The following HCN1 variants were observed in gnomAD, a reference collection of about 807,000 sequenced individuals.
HCN1 encodes potassium/sodium hyperpolarization-activated cyclic nucleotide-gated channel 1.
HCN1 carries 13 observed loss-of-function variants against 78.9 expected under a neutral mutation model. The observed-to-expected ratio is 0.16, with a 90% CI of 0.11 to 0.26. HCN1 has a LOEUF of 0.26. Ranked by LOEUF, HCN1 falls within the 10% of genes least tolerant of loss-of-function variation. The probability of loss-of-function intolerance (pLI) is 1.00; values close to 1 mark genes in which losing one functional copy is unlikely to be tolerated. For synonymous variants in HCN1, 552 were observed against 455.5 expected (o/e 1.21, Z -2.70); for missense variants, 810 against 1,154.3 (o/e 0.70, Z 4.32).
intron 4 of HCN1, among the ~76,000 whole-genome samples, chr5:45,373,461 T>A (rs1747481520): frequency 7.2e-6 from 1 of 138,560 alleles, no homozygotes; most frequent in African/African-American, 2.6e-5. Context: ...TTATATTATA[T>A]ACATTATATA....
At chr5:45,607,476 C>A (rs1241265552) in intron 2 of HCN1, among the ~76,000 whole-genome samples, 1 of 151,226 alleles carries the variant, frequency 6.6e-6, no homozygotes, top group Non-Finnish European at 1.5e-5. Flanking sequence ...ATGTAAAATA[C>A]AAGTTTGTCT....
intron 2 of HCN1, among the ~76,000 whole-genome samples, chr5:45,597,349 C>A (rs988163760): frequency 7.9e-5 from 12 of 152,270 alleles, no homozygotes; most frequent in African/African-American, 2.9e-4. Context: ...GCAGAAAAGG[C>A]CTTTGACAAA....
intron 2 of HCN1, among the ~76,000 whole-genome samples, chr5:45,584,788 A>G (rs1744171644): frequency 6.6e-6 from 1 of 152,110 alleles, no homozygotes; most frequent in South Asian, 2.1e-4. Flanking sequence ...TTCACTTATG[A>G]AGCTTAGTTT....
At chr5:45,511,508 C>G (rs76148395) in intron 2 of HCN1, among the ~76,000 whole-genome samples, 1,784 of 152,100 alleles carry the variant, frequency 0.012, 36 homozygotes, top group African/African-American at 0.04. Context: ...AGAGAATGTA[C>G]CCTTGATATG....
chr5:45,572,043 A>G (rs1561205588), intron 2 of HCN1, among the ~76,000 whole-genome samples: 1 of 152,184 alleles, frequency 6.6e-6, no homozygotes, highest in East Asian at 1.9e-4. Flanking sequence ...TCCAATCATA[A>G]TAGAGAGCCT....
chr5:45,268,753 T>A (rs1291931963), intron 6 of HCN1, among the ~76,000 whole-genome samples: 1 of 152,154 alleles, frequency 6.6e-6, no homozygotes, highest in Non-Finnish European at 1.5e-5. Context: ...TATTGTGGGG[T>A]CTGTGTGTTT....
At chr5:45,639,935 C>G (rs1256748006) in intron 2 of HCN1, among the ~76,000 whole-genome samples, 1 of 152,142 alleles carries the variant, frequency 6.6e-6, no homozygotes, top group Non-Finnish European at 1.5e-5. Flanking sequence ...TCTCCAAACT[C>G]AATCTGGGAA....
intron 2 of HCN1, chr5:45,642,180 A>T (rs1745466379): frequency 6.6e-6 from 1 of 152,176 alleles, no homozygotes; most frequent in African/African-American, 2.4e-5. Flanking sequence ...GTTTCAGTGT[A>T]ATGTCACAGA....
intron 3 of HCN1, among the ~76,000 whole-genome samples, chr5:45,434,451 C>G (rs1286035409): frequency 6.6e-6 from 1 of 152,116 alleles, no homozygotes; most frequent in African/African-American, 2.4e-5. Context: ...CAGTAGGAAT[C>G]AAGATGGATG....
intron 2 of HCN1, among the ~76,000 whole-genome samples, chr5:45,478,484 G>A (rs1294141885): frequency 6.6e-6 from 1 of 152,142 alleles, no homozygotes. Flanking sequence ...TTGAGCACCT[G>A]CAATACAAAA....
At chr5:45,515,438 A>G (rs1742498697) in intron 2 of HCN1, among the ~76,000 whole-genome samples, 1 of 152,040 alleles carries the variant, frequency 6.6e-6, no homozygotes, top group Non-Finnish European at 1.5e-5. Flanking sequence ...TTGATGTCTT[A>G]GAGAAACATG....
chr5:45,684,488 C>T (rs1050265769), intron 1 of HCN1, among the ~76,000 whole-genome samples: 2 of 152,062 alleles, frequency 1.3e-5, no homozygotes, highest in African/African-American at 4.8e-5. Context: ...GAAAAAGAGA[C>T]AACTTTTAAA....
chr5:45,653,415 TA>T (rs1477290763), intron 1 of HCN1, among the ~76,000 whole-genome samples: 1 of 152,070 alleles, frequency 6.6e-6, no homozygotes, highest in Non-Finnish European at 1.5e-5. Context: ...AATAATTTGA[TA>T]AAGACTGCTT....
At chr5:45,658,604 G>A (rs1262363930) in intron 1 of HCN1, among the ~76,000 whole-genome samples, 5 of 151,776 alleles carry the variant, frequency 3.3e-5, no homozygotes, top group African/African-American at 1.2e-4. Context: ...CGCGCACCGT[G>A]CGCGAGCCGA....
intron 2 of HCN1, among the ~76,000 whole-genome samples, chr5:45,625,771 G>A (rs1204690329): frequency 6.6e-6 from 1 of 151,250 alleles, no homozygotes; most frequent in Non-Finnish European, 1.5e-5. Flanking sequence ...TTTGGCATAG[G>A]GTACTTAGTA....
Position 45,691,011 on chromosome 5 carries a change from C to T in HCN1, c.425+4658G>A, listed in dbSNP as rs568533934. 2.6e-5 allele frequency among the ~76,000 whole-genome samples: 4 copies of T among 152,184 alleles called. No homozygotes were observed. In the East Asian group the frequency reaches 7.7e-4, roughly 29 times the overall value. On this transcript the variant is annotated intron_variant, in intron 1 of 7. Coordinates refer to ENST00000303230, the MANE Select transcript of HCN1 (RefSeq NM_021072.4). ...CTAAATGCATTCTGCTGGTTTCCTG[C>T]TCACTATAGGACATAGGTGCATTGA... is the stretch of plus-strand genomic sequence containing the variant.
intron 2 of HCN1, among the ~76,000 whole-genome samples, chr5:45,525,872 T>C (rs1301713142): frequency 1.3e-5 from 2 of 151,950 alleles, no homozygotes; most frequent in Admixed American, 1.3e-4. Context: ...TAGCATTAGG[T>C]GGTGAGTGCC....
At chr5:45,303,979 G>C (rs562245787) in intron 5 of HCN1, 140 bp from the exon 6 acceptor site, 1 of 786,316 alleles carries the variant, frequency 1.3e-6, no homozygotes, top group South Asian at 1.6e-5. Flanking sequence ...CTAGTAATGC[G>C]CATCATATTA....
chr5:45,374,555 A>T (rs1747558295), intron 4 of HCN1, among the ~76,000 whole-genome samples: 1 of 150,086 alleles, frequency 6.7e-6, no homozygotes, highest in Non-Finnish European at 1.5e-5. Context: ...TTCACAGCTG[A>T]ACTCTACCAC....
Sources: allele counts gnomAD v4.1 joint callset (sites outside exome capture counted in the v4.1 genomes callset), GRCh38; gene constraint gnomAD v4.1.1; transcripts MANE v1.5; gene names NCBI Gene and HGNC (gene_info 2026-07-23, HGNC 2026-07-21).